HCN1: variants seen among roughly 807,000 people sequenced by gnomAD.
HCN1 encodes the protein potassium/sodium hyperpolarization-activated cyclic nucleotide-gated channel 1.
HCN1 carries 13 observed loss-of-function variants against 78.9 expected under a neutral mutation model. That is an observed-to-expected ratio of 0.16 (90% CI 0.11 to 0.26). The LOEUF (loss-of-function observed/expected upper bound fraction) is 0.26. Among genes scored for constraint, HCN1 ranks in the 10% least tolerant of loss-of-function variants. The probability of loss-of-function intolerance (pLI) is 1.00; values close to 1 mark genes in which losing one functional copy is unlikely to be tolerated. For synonymous variants in HCN1, 552 were observed against 455.5 expected, an observed-to-expected ratio of 1.21 and a Z score of -2.70; for missense variants, 810 against 1,154.3, an observed-to-expected ratio of 0.70 and a Z score of 4.32.
intron 5 of HCN1, among the ~76,000 whole-genome samples, chr5:45,306,541 T>C (rs1410745098): frequency 6.6e-6 from 1 of 152,092 alleles, no homozygotes; most frequent in Non-Finnish European, 1.5e-5. Flanking sequence ...ACAGATATGA[T>C]AGAAAAAATG....
intron 6 of HCN1, among the ~76,000 whole-genome samples, chr5:45,291,540 C>G (rs545739294): frequency 9.9e-4 from 151 of 152,012 alleles, no homozygotes; most frequent in African/African-American, 3.4e-3. Flanking sequence ...AGCTTTCTCT[C>G]TTTTTTATTT....
At chr5:45,604,171 C>T (rs761368901) in intron 2 of HCN1, among the ~76,000 whole-genome samples, 2 of 152,098 alleles carry the variant, frequency 1.3e-5, no homozygotes, top group African/African-American at 4.8e-5. Context: ...CAATAATTTT[C>T]TAAGTGGTCA....
chr5:45,278,197 A>G (rs1442924029), intron 6 of HCN1, among the ~76,000 whole-genome samples: 2 of 152,092 alleles, frequency 1.3e-5, no homozygotes, highest in African/African-American at 4.8e-5. Flanking sequence ...CATTTTGTTA[A>G]GAGCCTCTAC....
At chr5:45,295,782 C>T (rs1411138063) in intron 6 of HCN1, among the ~76,000 whole-genome samples, 2 of 151,926 alleles carry the variant, frequency 1.3e-5, no homozygotes, top group African/African-American at 4.8e-5. Flanking sequence ...TTCTGCTTAA[C>T]AATACTATGA....
intron 3 of HCN1, among the ~76,000 whole-genome samples, chr5:45,427,236 G>A (rs996675135): frequency 5.3e-5 from 8 of 151,844 alleles, no homozygotes; most frequent in Non-Finnish European, 1.0e-4. Flanking sequence ...AAGATACCAA[G>A]GGCTGAATAC....
chr5:45,658,746 C>A (rs187747173), intron 1 of HCN1, among the ~76,000 whole-genome samples: 6 of 151,938 alleles, frequency 3.9e-5, no homozygotes, highest in Non-Finnish European at 1.5e-5. Context: ...CTTTTCAGAC[C>A]GGCTTAAAAA....
At chr5:45,443,471 T>G (rs186586082) in intron 3 of HCN1, among the ~76,000 whole-genome samples, 3 of 152,218 alleles carry the variant, frequency 2.0e-5, no homozygotes, top group Admixed American at 6.5e-5. Flanking sequence ...CTCCAACAGG[T>G]TTTCCTAAGT....
At chr5:45,337,138 C>T (rs1199647431) in intron 5 of HCN1, among the ~76,000 whole-genome samples, 1 of 151,972 alleles carries the variant, frequency 6.6e-6, no homozygotes, top group African/African-American at 2.4e-5. Flanking sequence ...TTCGCCCCAC[C>T]ATCTTTACCC....
At chr5:45,601,252 A>C (rs893217198) in intron 2 of HCN1, among the ~76,000 whole-genome samples, 2 of 152,112 alleles carry the variant, frequency 1.3e-5, no homozygotes, top group Non-Finnish European at 2.9e-5. Context: ...TGGAACAAAA[A>C]AAATCTAATG....
At chr5:45,634,273 C>G (rs750355099) in intron 2 of HCN1, among the ~76,000 whole-genome samples, 11 of 151,926 alleles carry the variant, frequency 7.2e-5, no homozygotes, top group Non-Finnish European at 1.5e-4. Flanking sequence ...AGCTACCTGT[C>G]AACCAACAGC....
intron 6 of HCN1, among the ~76,000 whole-genome samples, chr5:45,296,446 T>A (rs1745495764): frequency 6.6e-6 from 1 of 151,780 alleles, no homozygotes; most frequent in African/African-American, 2.4e-5. Flanking sequence ...ACCAAATTTG[T>A]ATGAGGCAGA....
chr5:45,262,339 G>A lies in HCN1; in HGVS notation c.2255C>T (p.Ser752Phe). 1 of 1,613,436 alleles carries A rather than the reference G, an allele frequency of 6.2e-7. No homozygotes were observed. The highest frequency in any genetic ancestry group is 1.1e-5 in the South Asian group (1 of 91,072). The change falls in exon 8 of 8, where the codon TCC (serine) becomes TTC (phenylalanine). Residue 752 changes from serine (S) to phenylalanine (F), a missense_variant. Ser to Phe is a radical substitution (Grantham distance 155). This residue lies in a region of HCN1 where 398 missense variants were observed against 381.3 expected (regional missense o/e 1.04). Transcript: ENST00000303230. ...QPPQTQPQQPSPQPQTPGSST... is the reference protein window; with the variant it reads ...QPPQTQPQQPFPQPQTPGSST... Reference sequence around the variant, plus strand: ...GCTGCCAGGTGTCTGTGGCTGCGGGGACGGCTGCTGTGGCTGAGTCTGCGG... The same window carrying A: ...GCTGCCAGGTGTCTGTGGCTGCGGGAACGGCTGCTGTGGCTGAGTCTGCGG...
At chr5:45,637,499 T>A (rs1387478058) in intron 2 of HCN1, among the ~76,000 whole-genome samples, 2 of 151,418 alleles carry the variant, frequency 1.3e-5, no homozygotes. Flanking sequence ...GAATCTAATA[T>A]GTAATTGTAA....
chr5:45,383,555 C>G (rs1189976238), intron 4 of HCN1, among the ~76,000 whole-genome samples: 2 of 151,928 alleles, frequency 1.3e-5, no homozygotes, highest in African/African-American at 4.8e-5. Flanking sequence ...ATTAGCCAGG[C>G]ATGGTGGCAC....
intron 6 of HCN1, among the ~76,000 whole-genome samples, chr5:45,274,220 G>C (rs1441979922): frequency 1.3e-5 from 2 of 152,032 alleles, no homozygotes; most frequent in East Asian, 3.9e-4. Flanking sequence ...AACTCACATA[G>C]ATACATTCCT....
At chr5:45,518,698 G>T (rs973724372) in intron 2 of HCN1, among the ~76,000 whole-genome samples, 4 of 151,970 alleles carry the variant, frequency 2.6e-5, no homozygotes, top group South Asian at 2.1e-4. Context: ...TTCATCCTGG[G>T]GGTCATTTTT....
intron 2 of HCN1, among the ~76,000 whole-genome samples, chr5:45,624,234 A>C (rs1441370662): frequency 6.6e-6 from 1 of 152,218 alleles, no homozygotes; most frequent in East Asian, 1.9e-4. Flanking sequence ...TATGAAACAT[A>C]AGCCTAAGTA....
At chr5:45,497,040 T>C (rs1043566030) in intron 2 of HCN1, among the ~76,000 whole-genome samples, 4 of 152,224 alleles carry the variant, frequency 2.6e-5, no homozygotes, top group Non-Finnish European at 5.9e-5. Flanking sequence ...TCCTGAGTTC[T>C]AGTTTGATTG....
At chr5:45,354,104 A>T (rs568053976) in intron 4 of HCN1, among the ~76,000 whole-genome samples, 34 of 152,018 alleles carry the variant, frequency 2.2e-4, no homozygotes, top group African/African-American at 7.9e-4. Flanking sequence ...CTGATAGTCA[A>T]ACAGGACCAT....
Sources: allele counts gnomAD v4.1 joint callset (sites outside exome capture counted in the v4.1 genomes callset), GRCh38; gene constraint gnomAD v4.1.1; regional missense constraint gnomAD v4.1.1; transcripts MANE v1.5; gene names NCBI Gene and HGNC (gene_info 2026-07-23, HGNC 2026-07-21).